The following ASB3 variants were observed in gnomAD, a reference collection of about 807,000 sequenced individuals.
The protein encoded by ASB3 is ankyrin repeat and SOCS box protein 3.
ASB3 carries 41 observed loss-of-function variants against 54.5 expected under a neutral mutation model. The observed-to-expected ratio is 0.75, with a 90% CI of 0.59 to 0.98. The LOEUF is 0.98. Among genes scored for constraint, ASB3 ranks in the 50% least tolerant of loss-of-function variants. The pLI is 0.00. For synonymous variants in ASB3, 266 were observed against 221.2 expected, an observed-to-expected ratio of 1.20 and a Z score of -1.80; for missense variants, 733 against 620.0, an observed-to-expected ratio of 1.18 and a Z score of -1.94.
intron 1 of ASB3, chr2:53,774,632 T>A: frequency 1.2e-6 from 1 of 805,730 alleles, no homozygotes; most frequent in South Asian, 3.0e-5. Flanking sequence ...TTTAAACTTT[T>A]ATTTTAACTG....
intron 4 of ASB3, 33 bp from the exon 5 acceptor site, chr2:53,728,880 A>C: frequency 6.5e-7 from 1 of 1,550,196 alleles, no homozygotes; most frequent in East Asian, 2.3e-5. Flanking sequence ...AAATAAGAAA[A>C]AAACAAAGAA....
At chr2:53,700,586 T>G in intron 7 of ASB3, 58 bp from the exon 8 acceptor site, 1 of 1,545,164 alleles carries the variant, frequency 6.5e-7, no homozygotes, top group East Asian at 2.3e-5. Flanking sequence ...CATAAGATAC[T>G]TCTTACAAAC....
chr2:53,712,752 AC>A (rs2103826327), intron 7 of ASB3, among the ~76,000 whole-genome samples: 1 of 151,982 alleles, frequency 6.6e-6, no homozygotes, highest in East Asian at 1.9e-4. Flanking sequence ...TTGAACACAC[AC>A]ACACACACAC....
chr2:53,706,602 C>T (rs1003675422), intron 7 of ASB3, among the ~76,000 whole-genome samples: 1 of 152,026 alleles, frequency 6.6e-6, no homozygotes, highest in South Asian at 2.1e-4. Context: ...CGTGCCGCCA[C>T]GCCTGACTAA....
At chr2:53,735,485 T>TAAAAAA (rs11414333) in intron 3 of ASB3, among the ~76,000 whole-genome samples, 1 of 130,058 alleles carries the variant, frequency 7.7e-6, no homozygotes, top group Admixed American at 7.8e-5. Context: ...AGCAAAGATC[T>TAAAAAA]AAAAAAAAAA....
intron 1 of ASB3, among the ~76,000 whole-genome samples, chr2:53,768,456 T>C (rs2104119612): frequency 6.6e-6 from 1 of 152,408 alleles, no homozygotes; most frequent in Admixed American, 6.5e-5. Context: ...TTCTGCATTC[T>C]AGCCGACTTT....
chr2:53,728,980 T>A (rs939334902), intron 4 of ASB3, 133 bp from the exon 5 acceptor site: 1 of 986,390 alleles, frequency 1.0e-6, no homozygotes, highest in Non-Finnish European at 1.4e-6. Context: ...CAAAACAGTA[T>A]ACTGCTGTAT....
intron 3 of ASB3, among the ~76,000 whole-genome samples, chr2:53,730,130 A>G (rs1157820076): frequency 2.0e-5 from 3 of 152,216 alleles, no homozygotes; most frequent in Non-Finnish European, 4.4e-5. Flanking sequence ...AAAAATAAAA[A>G]ATGTTGTTAA....
At chr2:53,738,878 A>G (rs756376929) in intron 3 of ASB3, among the ~76,000 whole-genome samples, 52 of 152,214 alleles carry the variant, frequency 3.4e-4, no homozygotes, top group Non-Finnish European at 6.2e-4. Context: ...CGCATTTCAG[A>G]AGGCAGAGCT....
rs1005273456 is a variant in ASB3 at position 53,772,025 on chromosome 2, T to C, written c.-13-6440A>G. ...TCTGTTTCAATTTGATTAACAATCATCACAGACAATTTGAACTACCCTAAA... is the reference window on the plus strand; with the variant it reads ...TCTGTTTCAATTTGATTAACAATCACCACAGACAATTTGAACTACCCTAAA... On this transcript the variant is annotated intron_variant, in intron 1 of 9. Transcript: ENST00000263634. 7.3e-6 allele frequency: 6 copies of C among 819,860 alleles called. No individual in the cohort carries two copies. In the African/African-American group the frequency reaches 1.1e-4, roughly 15 times the overall value. 50.8% of individuals were successfully genotyped at this position (819,860 alleles called of 1,614,324 possible). A position where few individuals can be genotyped will look rare whatever the true frequency, so the allele number is the denominator to read the frequency against.
intron 5 of ASB3, among the ~76,000 whole-genome samples, chr2:53,722,586 T>A (rs1318585061): frequency 6.6e-6 from 1 of 152,126 alleles, no homozygotes; most frequent in African/African-American, 2.4e-5. Flanking sequence ...TATATGATCA[T>A]CTCAACAGAT....
At chr2:53,764,500 T>C (rs1340355438) in intron 2 of ASB3, among the ~76,000 whole-genome samples, 3 of 152,210 alleles carry the variant, frequency 2.0e-5, no homozygotes, top group Non-Finnish European at 2.9e-5. Context: ...AGAAGATAAA[T>C]TGAGCATGTG....
chr2:53,765,401 A>T lies in ASB3; in HGVS notation c.172T>A (p.Cys58Ser). 1 of 1,614,258 alleles carries T rather than the reference A, an allele frequency of 6.2e-7. No individual in the cohort carries two copies. Among genetic ancestry groups the T allele is most frequent in the Non-Finnish European group, 8.5e-7 (1 of 1,180,038 alleles). ...CCTGCATTAATTAACATTTGCAAAC[A>T]TTCTACAGAGTTGTGATAAGCTGCT... ...HEAAYHNSVE[C>S]LQMLINADSS... The change falls in exon 2 of 10, where the codon TGT becomes AGT. Residue 58 changes from cysteine to serine, a missense_variant. Transcript: ENST00000263634.
intron 6 of ASB3, among the ~76,000 whole-genome samples, chr2:53,715,176 A>C (rs1396789939): frequency 6.6e-6 from 1 of 152,170 alleles, no homozygotes; most frequent in Non-Finnish European, 1.5e-5. Context: ...GCTGGCTCCT[A>C]GGTAGAGAAA....
At chr2:53,736,377 C>T (rs1306554279) in intron 3 of ASB3, among the ~76,000 whole-genome samples, 2 of 152,098 alleles carry the variant, frequency 1.3e-5, no homozygotes, top group Non-Finnish European at 2.9e-5. Context: ...ACTATCATAT[C>T]CAGGTGGTGG....
At chr2:53,673,970 G>T (rs1359455852) in intron 9 of ASB3, among the ~76,000 whole-genome samples, 2 of 152,094 alleles carry the variant, frequency 1.3e-5, no homozygotes, top group East Asian at 3.8e-4. Flanking sequence ...TGCCATTTTT[G>T]TTTAATATGC....
chr2:53,700,223 G>T, intron 8 of ASB3, 48 bp downstream of exon 8: 1 of 1,575,982 alleles, frequency 6.3e-7, no homozygotes, highest in Non-Finnish European at 8.6e-7. Flanking sequence ...ATTAAAGGTA[G>T]TATATTCACT....
intron 9 of ASB3, among the ~76,000 whole-genome samples, chr2:53,692,987 T>C (rs1387254129): frequency 1.3e-5 from 2 of 152,212 alleles, no homozygotes; most frequent in African/African-American, 4.8e-5. Flanking sequence ...TTTTCCTGAA[T>C]GTCTGTTTTT....
At chr2:53,709,768 C>T (rs1669986131) in intron 7 of ASB3, among the ~76,000 whole-genome samples, 1 of 152,150 alleles carries the variant, frequency 6.6e-6, no homozygotes, top group Admixed American at 6.5e-5. Flanking sequence ...CTTTCCTCCT[C>T]CTATTTGTGC....
Sources: allele counts gnomAD v4.1 joint callset (sites outside exome capture counted in the v4.1 genomes callset), GRCh38; gene constraint gnomAD v4.1.1; transcripts MANE v1.5; gene names NCBI Gene and HGNC (gene_info 2026-07-23, HGNC 2026-07-21).